CFAP54: variants seen among roughly 807,000 people sequenced by gnomAD.
CFAP54 encodes cilia- and flagella-associated protein 54.
A neutral mutation model predicts 370.4 loss-of-function variants in CFAP54; 290 were observed. The ratio of observed to expected loss-of-function variants is 0.78; its 90% confidence interval spans 0.71 to 0.86. The LOEUF (loss-of-function observed/expected upper bound fraction) is 0.86, where lower values mean the gene tolerates loss of function less well. CFAP54 is among the 40% of genes least tolerant of loss of function. The pLI is 0.00. For missense variants in CFAP54, 3,399 were observed against 3,528.7 expected (o/e 0.96, Z 0.93); for synonymous variants, 1,206 against 1,236.5 (o/e 0.98, Z 0.52).
In CFAP54 at chr12:96,828,711, G is replaced by A. The variant is rs529278851; in HGVS notation, c.9097-303G>A. On this transcript the variant is annotated intron_variant, in intron 65 of 67. Coordinates refer to ENST00000524981, the MANE Select transcript of CFAP54 (RefSeq NM_001306084.2). Reference sequence around the variant, plus strand: ...TAATTTCCAGTCATTCTTCTCTGCTGCAAGCCCTTTCAGGGATCTGAAACT... The same window carrying A: ...TAATTTCCAGTCATTCTTCTCTGCTACAAGCCCTTTCAGGGATCTGAAACT... Among the ~76,000 whole-genome samples, 10 of 152,184 alleles carry A rather than the reference G, an allele frequency of 6.6e-5. No homozygotes were observed. In the South Asian group the frequency reaches 1.5e-3, roughly 22 times the overall value.
At chr12:96,712,601 A>G (rs781476446) in intron 48 of CFAP54, among the ~76,000 whole-genome samples, 2 of 152,140 alleles carry the variant, frequency 1.3e-5, no homozygotes, top group Admixed American at 6.6e-5. Context: ...CTACTGTGCT[A>G]TCAAACACCA....
At chr12:96,669,787 C>T (rs375445151) in intron 39 of CFAP54, among the ~76,000 whole-genome samples, 7 of 152,086 alleles carry the variant, frequency 4.6e-5, no homozygotes, top group Admixed American at 1.3e-4. Context: ...TATACTAATG[C>T]GGCACTCAGG....
intron 64 of CFAP54, among the ~76,000 whole-genome samples, chr12:96,816,828 C>T (rs1407300056): frequency 2.6e-5 from 4 of 152,210 alleles, no homozygotes; most frequent in South Asian, 2.1e-4. Context: ...CCTTCTGCCT[C>T]CACTCCCCTG....
rs201450928 is a variant in CFAP54 at position 96,730,125 on chromosome 12, C to T, written c.6965+9560C>T. Among the ~76,000 whole-genome samples, 397 of 152,256 alleles carry T rather than the reference C, an allele frequency of 2.6e-3. 2 individuals carry two copies. The highest frequency in any genetic ancestry group is 9.3e-3 in the African/African-American group (387 of 41,548). On this transcript the variant is annotated intron_variant, in intron 50 of 67. Transcript: ENST00000524981. ...GGGGACTAGCTGCCTGCCAGGGACACAGATGGAAAAAGTCACCCAAGAGAA... is the reference window on the plus strand; with the variant it reads ...GGGGACTAGCTGCCTGCCAGGGACATAGATGGAAAAAGTCACCCAAGAGAA...
chr12:96,855,695 G>A (rs953456125), intron 66 of CFAP54, among the ~76,000 whole-genome samples: 5 of 152,224 alleles, frequency 3.3e-5, no homozygotes, highest in African/African-American at 1.2e-4. Context: ...GCCCCTGTGC[G>A]TTTGCAGGGT....
intron 33 of CFAP54, among the ~76,000 whole-genome samples, chr12:96,647,471 CCAAAAA>C (rs1956808371): frequency 9.4e-5 from 1 of 10,688 alleles, no homozygotes; most frequent in African/African-American, 2.2e-4. Context: ...AGACTCTGTC[CCAAAAA>C]AAAAAAAAAA....
chr12:96,612,452 C>T (rs552762297), intron 26 of CFAP54, among the ~76,000 whole-genome samples: 1 of 152,130 alleles, frequency 6.6e-6, no homozygotes, highest in Non-Finnish European at 1.5e-5. Flanking sequence ...TTGTAAAGAC[C>T]ATCGATGCTA....
At position 96,657,925 on chromosome 12, in the gene CFAP54, G is replaced by A. The variant is rs1592692655; in HGVS notation, c.5144G>A (p.Gly1715Glu). The change falls in exon 37 of 68, where the codon GGG (glycine) becomes GAG (glutamate). Residue 1715 changes from glycine to glutamate, a missense_variant. By Grantham distance (98) the Gly-to-Glu change is moderately conservative. Around this residue, in one of 3 missense-constraint regions of CFAP54, gnomAD observed 2,796 missense variants for 2,869.7 expected, o/e 0.97. Transcript: ENST00000524981. ...KGEFSVPSCY[G>E]NIKNDNGGSS... ...GAATTCAGTGTTCCAAGCTGTTATG[G>A]GAATATTAAAAATGACAACGGTGGT... 6.2e-7 allele frequency: 1 copy of A among 1,613,606 alleles called. No homozygotes were observed. The highest frequency in any genetic ancestry group is 8.5e-7 in the Non-Finnish European group (1 of 1,179,788).
At chr12:96,751,920 C>G (rs1180130241) in intron 55 of CFAP54, among the ~76,000 whole-genome samples, 1 of 152,120 alleles carries the variant, frequency 6.6e-6, no homozygotes, top group Non-Finnish European at 1.5e-5. Context: ...GCTGTTCTTC[C>G]TGTTCCATGC....
intron 17 of CFAP54, among the ~76,000 whole-genome samples, chr12:96,561,165 C>A (rs1955811055): frequency 6.6e-6 from 1 of 152,158 alleles, no homozygotes. Flanking sequence ...CAAATCTCAT[C>A]TTGGATTCCC....
At chr12:96,759,844 T>A (rs967425500) in intron 58 of CFAP54, among the ~76,000 whole-genome samples, 1 of 152,218 alleles carries the variant, frequency 6.6e-6, no homozygotes, top group Admixed American at 6.5e-5. Flanking sequence ...TTGTATGTAA[T>A]AAGTACTTAT....
chr12:96,837,328 A>G (rs1337279449), intron 66 of CFAP54, among the ~76,000 whole-genome samples: 1 of 152,172 alleles, frequency 6.6e-6, no homozygotes, highest in Non-Finnish European at 1.5e-5. Context: ...AGCTGCAGTG[A>G]TTGCTCTGCA....
intron 63 of CFAP54, among the ~76,000 whole-genome samples, chr12:96,797,296 C>T (rs770513188): frequency 1.3e-5 from 2 of 151,752 alleles, no homozygotes; most frequent in Non-Finnish European, 2.9e-5. Context: ...AATATGTACT[C>T]TTCAGTTGTT....
At position 96,581,135 on chromosome 12, in the gene CFAP54, CTG is replaced by C. The variant is rs1157353307; in HGVS notation, c.3075+34_3075+35del. 6 of 1,375,756 alleles carry C rather than the reference CTG, an allele frequency of 4.4e-6. No individual in the cohort carries two copies. In the South Asian group the frequency reaches 6.7e-5, roughly 15 times the overall value. 85.2% of individuals were successfully genotyped at this position (1,375,756 alleles called of 1,614,324 possible). A position where few individuals can be genotyped will look rare whatever the true frequency, so the allele number is the denominator to read the frequency against. The stretch of plus-strand genomic sequence containing the variant: ...AAAAGATTTCTGCTAATTTTTTCCA[CTG>C]TGTTTTTTTTTCCATTAAGCAGTTA... On this transcript the variant is annotated intron_variant, in intron 22 of 67. Coordinates refer to ENST00000524981, the MANE Select transcript of CFAP54 (RefSeq NM_001306084.2).
chr12:96,501,506 T>C (rs1435924002), intron 2 of CFAP54, among the ~76,000 whole-genome samples: 3 of 152,238 alleles, frequency 2.0e-5, no homozygotes, highest in African/African-American at 7.2e-5. Context: ...TACCTGAATG[T>C]CTAGGGCTTG....
intron 66 of CFAP54, among the ~76,000 whole-genome samples, chr12:96,848,100 G>A (rs563156329): frequency 9.2e-5 from 14 of 151,982 alleles, no homozygotes; most frequent in Non-Finnish European, 1.5e-4. Flanking sequence ...TTTTTGAGAC[G>A]GTGTCTTGCT....
intron 26 of CFAP54, among the ~76,000 whole-genome samples, chr12:96,615,278 A>G (rs1956403025): frequency 6.6e-6 from 1 of 152,262 alleles, no homozygotes; most frequent in African/African-American, 2.4e-5. Flanking sequence ...TCCCTATTTA[A>G]TAAATGGTGC....
At chr12:96,509,403 A>G (rs1223562199) in intron 4 of CFAP54, among the ~76,000 whole-genome samples, 1 of 152,208 alleles carries the variant, frequency 6.6e-6, no homozygotes, top group African/African-American at 2.4e-5. Context: ...ATGTGCCTTG[A>G]TAACTTATCA....
At position 96,764,247 on chromosome 12, in the gene CFAP54, C is replaced by G. The variant is rs774680763; in HGVS notation, c.8137C>G (p.Gln2713Glu). ...CTGGATTGCAATAAGAGCTGCTGCA[C>G]AGGTTGGTGTGATTTTTGTTTAATC... ...LAWIAIRAAA[Q>E]VSEAVLAINL... Residue 2713 changes from glutamine (Q) to glutamate (E), a missense_variant and splice_region_variant, in exon 59 of 68, where the codon CAG (glutamine) becomes GAG (glutamate). Physicochemically the swap from Gln to Glu is conservative, Grantham distance 29. Coordinates refer to ENST00000524981, the MANE Select transcript of CFAP54 (RefSeq NM_001306084.2). 2 of 1,607,834 alleles carry G rather than the reference C, an allele frequency of 1.2e-6. No homozygotes were observed. Among genetic ancestry groups the G allele is most frequent in the Admixed American group, 3.4e-5 (2 of 59,496 alleles).
Sources: gnomAD v4.1 joint callset for allele counts (sites outside exome capture counted in the v4.1 genomes callset) on GRCh38, gnomAD v4.1.1 for gene constraint, gnomAD v4.1.1 regional missense constraint, MANE v1.5 for transcripts, NCBI Gene and HGNC (gene_info 2026-07-23, HGNC 2026-07-21) for gene names.